The following PALM2AKAP2 variants were observed in gnomAD, a reference collection of about 807,000 sequenced individuals.
PALM2AKAP2 encodes PALM2-AKAP2 fusion protein.
A neutral mutation model predicts 71.5 loss-of-function variants in PALM2AKAP2; 37 were observed. The observed-to-expected ratio is 0.52, with a 90% CI of 0.40 to 0.68. The LOEUF (loss-of-function observed/expected upper bound fraction) is 0.68, where lower values mean the gene tolerates loss of function less well. Ranked by LOEUF, PALM2AKAP2 falls within the 30% of genes least tolerant of loss-of-function variation. The probability of loss-of-function intolerance (pLI) is 0.00; values close to 1 mark genes in which losing one functional copy is unlikely to be tolerated. For missense variants in PALM2AKAP2, 1,224 were observed against 1,191.8 expected (o/e 1.03, Z -0.40); for synonymous variants, 468 against 478.8 (o/e 0.98, Z 0.29).
chr9:109,956,156 C>A (rs1032809954), intron 6 of PALM2AKAP2, among the ~76,000 whole-genome samples: 10 of 151,736 alleles, frequency 6.6e-5, no homozygotes, highest in African/African-American at 2.2e-4. Flanking sequence ...AGGCGCATGC[C>A]ACCATGCCAG....
chr9:109,754,526 C>T (rs749112372), intron 1 of PALM2AKAP2, among the ~76,000 whole-genome samples: 13 of 152,092 alleles, frequency 8.5e-5, no homozygotes, highest in Non-Finnish European at 1.5e-4. Flanking sequence ...TGCATTTTGT[C>T]ATTGACTTCC....
rs191891982 is a variant in PALM2AKAP2, at chr9:109,823,868, T to A, written c.45+43335T>A. 3.4e-3 allele frequency among the ~76,000 whole-genome samples: 515 copies of A among 152,328 alleles called. 5 individuals carry two copies. Among genetic ancestry groups the A allele is most frequent in the African/African-American group, 0.012 (483 of 41,574 alleles). On this transcript the variant is annotated intron_variant, in intron 1 of 9. Transcript: ENST00000302798. Reference sequence around the variant, plus strand: ...GAAAGAAGTATTTTGCTCCAGTTTGTATATTCTTTCAAAGCCTTTGAACCA... The same window carrying A: ...GAAAGAAGTATTTTGCTCCAGTTTGAATATTCTTTCAAAGCCTTTGAACCA...
intron 1 of PALM2AKAP2, among the ~76,000 whole-genome samples, chr9:109,786,550 T>C (rs1179738861): frequency 6.6e-6 from 1 of 152,174 alleles, no homozygotes; most frequent in African/African-American, 2.4e-5. Context: ...GGTATATTGG[T>C]GCTGAGGAAG....
At chr9:109,728,523 A>G (rs1828508095) in intron 1 of PALM2AKAP2, among the ~76,000 whole-genome samples, 1 of 152,236 alleles carries the variant, frequency 6.6e-6, no homozygotes, top group Admixed American at 6.5e-5. Flanking sequence ...TTGTGCCTGA[A>G]GCCAGCTCTA....
At chr9:110,050,456 C>T (rs977107921) in intron 1 of PALM2AKAP2, among the ~76,000 whole-genome samples, 12 of 152,128 alleles carry the variant, frequency 7.9e-5, no homozygotes, top group African/African-American at 2.9e-4. Context: ...TTCATGAATA[C>T]AATTTCATAA....
At chr9:109,720,199 G>C (rs908354954) in intron 1 of PALM2AKAP2, among the ~76,000 whole-genome samples, 1 of 152,122 alleles carries the variant, frequency 6.6e-6, no homozygotes, top group African/African-American at 2.4e-5. Flanking sequence ...ATGTTGGCCA[G>C]GCTGGTCTTC....
intron 1 of PALM2AKAP2, among the ~76,000 whole-genome samples, chr9:109,787,871 G>A (rs1827010433): frequency 6.6e-6 from 1 of 152,194 alleles, no homozygotes. Context: ...GAACTTTACA[G>A]GATGCTTTCC....
At chr9:109,856,520 A>G (rs146449016) in intron 1 of PALM2AKAP2, among the ~76,000 whole-genome samples, 1 of 152,362 alleles carries the variant, frequency 6.6e-6, no homozygotes, top group African/African-American at 2.4e-5. Flanking sequence ...TAGGATGCAT[A>G]AAGGACTAAT....
At chr9:109,865,884 G>C (rs1448732198) in intron 1 of PALM2AKAP2, among the ~76,000 whole-genome samples, 1 of 152,214 alleles carries the variant, frequency 6.6e-6, no homozygotes, top group African/African-American at 2.4e-5. Context: ...CCATCTCTGA[G>C]ATGGTGGATG....
At chr9:109,802,480 A>G (rs768462949) in intron 1 of PALM2AKAP2, among the ~76,000 whole-genome samples, 47 of 152,330 alleles carry the variant, frequency 3.1e-4, no homozygotes, top group Non-Finnish European at 6.3e-4. Flanking sequence ...TATAGGGGAA[A>G]AATATAATTT....
intron 1 of PALM2AKAP2, among the ~76,000 whole-genome samples, chr9:109,710,737 G>C (rs891780124): frequency 6.6e-6 from 1 of 152,132 alleles, no homozygotes; most frequent in African/African-American, 2.4e-5. Flanking sequence ...ACTGGTATTA[G>C]TGTTGCAGGA....
intron 1 of PALM2AKAP2, among the ~76,000 whole-genome samples, chr9:109,689,029 C>T (rs1301234438): frequency 6.6e-6 from 1 of 152,112 alleles, no homozygotes; most frequent in Admixed American, 6.6e-5. Context: ...AGGAGGATTA[C>T]TGTTTTTTCT....
intron 6 of PALM2AKAP2, chr9:109,946,570 G>A: frequency 6.6e-6 from 1 of 150,898 alleles, no homozygotes; most frequent in Non-Finnish European, 1.5e-5. Context: ...GCGCATGCCT[G>A]TAATCCCAGC....
At chr9:109,913,905 C>A (rs565150643) in intron 3 of PALM2AKAP2, among the ~76,000 whole-genome samples, 3 of 152,034 alleles carry the variant, frequency 2.0e-5, no homozygotes, top group Non-Finnish European at 2.9e-5. Context: ...TACAGGCGCC[C>A]GCCACTACGC....
intron 6 of PALM2AKAP2, among the ~76,000 whole-genome samples, chr9:109,999,899 C>G (rs1377826575): frequency 6.6e-6 from 1 of 151,308 alleles, no homozygotes; most frequent in Non-Finnish European, 1.5e-5. Context: ...CCCCTGTGTA[C>G]TTAGCTTACA....
chr9:109,804,850 A>C (rs971160708), intron 1 of PALM2AKAP2, among the ~76,000 whole-genome samples: 1 of 152,202 alleles, frequency 6.6e-6, no homozygotes, highest in Non-Finnish European at 1.5e-5. Flanking sequence ...GGGGCCTTAC[A>C]CTCAATCAGT....
At chr9:110,088,568 G>T (rs1276757239) in intron 1 of PALM2AKAP2, among the ~76,000 whole-genome samples, 4 of 151,964 alleles carry the variant, frequency 2.6e-5, no homozygotes, top group Non-Finnish European at 5.9e-5. Flanking sequence ...TTTTGATTCA[G>T]TTCTAGGTAG....
Position 110,135,164 on chromosome 9 carries a change from A to AAAAAAAAAT in PALM2AKAP2, c.157-962_157-961insAAAAAAATA. On this transcript the variant is annotated intron_variant, in intron 1 of 3. Transcript: ENST00000374525. Reference sequence around the variant, plus strand: ...AACTCTGTCTCTACAAAAAAAAAAAAATATATAAATATATATATATATATA... The same window carrying AAAAAAAAAT: ...AACTCTGTCTCTACAAAAAAAAAAAAAAAAAAAATATATATAAATATATATATATATATA... 6.2e-4 allele frequency among the ~76,000 whole-genome samples: 32 copies of AAAAAAAAAT among 51,716 alleles called. 3 individuals are homozygous for AAAAAAAAAT. Among genetic ancestry groups the AAAAAAAAAT allele is most frequent in the South Asian group, 3.0e-3 (4 of 1,354 alleles). 33.9% of individuals were successfully genotyped at this position (51,716 alleles called of 152,430 possible). A position where few individuals can be genotyped will look rare whatever the true frequency, so the allele number is the denominator to read the frequency against.
intron 5 of PALM2AKAP2, among the ~76,000 whole-genome samples, chr9:109,930,181 A>G (rs2131988377): frequency 6.6e-6 from 1 of 152,082 alleles, no homozygotes; most frequent in South Asian, 2.1e-4. Context: ...TGCTGTTCTA[A>G]TCTTCCTTTC....
Sources: allele counts gnomAD v4.1 joint callset (sites outside exome capture counted in the v4.1 genomes callset), GRCh38; gene constraint gnomAD v4.1.1; transcripts MANE v1.5; gene names NCBI Gene and HGNC (gene_info 2026-07-23, HGNC 2026-07-21).